Variants in CTSS observed in about 807,000 individuals in gnomAD.
CTSS encodes cathepsin S.
CTSS carries 15 observed loss-of-function variants against 39.9 expected under a neutral mutation model. The observed-to-expected ratio is 0.38, with a 90% CI of 0.25 to 0.58. The LOEUF (loss-of-function observed/expected upper bound fraction) is 0.58. Ranked by LOEUF, CTSS falls within the 20% of genes least tolerant of loss-of-function variation. CTSS has a pLI of 0.70. For synonymous variants in CTSS, 126 were observed against 138.2 expected, an observed-to-expected ratio of 0.91 and a Z score of 0.62; for missense variants, 250 against 398.2, an observed-to-expected ratio of 0.63 and a Z score of 3.17.
chr1:150,747,861 G>A lies in CTSS; in HGVS notation c.812C>T (p.Ser271Phe), dbSNP rs752949974. 4.3e-6 allele frequency: 7 copies of A among 1,612,604 alleles called. No homozygotes were observed. Among genetic ancestry groups the A allele is most frequent in the Non-Finnish European group, 5.9e-6 (7 of 1,178,664 alleles). ...LYRSGVYYEPSCTQNVNHGVL... is the reference protein window; with the variant it reads ...LYRSGVYYEPFCTQNVNHGVL... ...ACCATGATTCACATTCTGAGTACAG[G>A]ATGGTTCATAGTAGACACCTGAGAA... Residue 271 changes from serine (S) to phenylalanine (F), a missense_variant, in exon 7 of 8, where the codon TCC becomes TTC. Ser to Phe is a radical substitution (Grantham distance 155). Coordinates refer to ENST00000368985, the MANE Select transcript of CTSS (RefSeq NM_004079.5).
At chr1:150,760,250 G>A (rs193038163) in intron 2 of CTSS, among the ~76,000 whole-genome samples, 40 of 152,230 alleles carry the variant, frequency 2.6e-4, no homozygotes, top group African/African-American at 8.9e-4. Flanking sequence ...CACCACCAAC[G>A]AAACCGTATG....
rs587757968 is a variant in CTSS at position 150,740,594 on chromosome 1, G to A, written c.896+7183C>T. ...TTTTTAGTAGAGACAGGGTTTCACC[G>A]TGTTAGCCAGGATGGTCTTGATCTC... On this transcript the variant is annotated intron_variant, in intron 7 of 7. Transcript: ENST00000368985. 9.9e-5 allele frequency among the ~76,000 whole-genome samples: 15 copies of A among 152,072 alleles called. No homozygotes were observed. In the East Asian group the frequency reaches 2.7e-3, roughly 28 times the overall value.
At chr1:150,737,190 C>G (rs1045746525) in intron 7 of CTSS, among the ~76,000 whole-genome samples, 1 of 152,074 alleles carries the variant, frequency 6.6e-6, no homozygotes, top group Non-Finnish European at 1.5e-5. Context: ...GCAACCTCCA[C>G]CTCCCAGGTT....
chr1:150,745,174 T>A (rs587712764), intron 7 of CTSS, among the ~76,000 whole-genome samples: 2 of 152,238 alleles, frequency 1.3e-5, no homozygotes, highest in South Asian at 4.1e-4. Flanking sequence ...ATTTGTAGAC[T>A]ATGTACTTCA....
rs1652509705 is a variant in CTSS, at chr1:150,731,030, A to G, written c.*2016T>C. 6.6e-6 allele frequency: 1 copy of G among 152,224 alleles called. No individual in the cohort carries two copies. Among genetic ancestry groups the G allele is most frequent in the Non-Finnish European group, 1.5e-5 (1 of 68,034 alleles). 9.4% of individuals were successfully genotyped at this position (152,224 alleles called of 1,614,324 possible). ...TTTAACAGATAGCTAAAGACTAAGA[A>G]CCCATGTTTTTATTCTACTTTCAAT... is the stretch of plus-strand genomic sequence containing the variant. On this transcript the variant is annotated 3_prime_UTR_variant, in exon 8 of 8. Coordinates refer to ENST00000368985, the MANE Select transcript of CTSS (RefSeq NM_004079.5).
chr1:150,741,316 TA>T (rs1399102095), intron 7 of CTSS, among the ~76,000 whole-genome samples: 1 of 152,214 alleles, frequency 6.6e-6, no homozygotes, highest in East Asian at 1.9e-4. Context: ...ATACTACATA[TA>T]AATTTTGTAT....
chr1:150,758,241 G>A (rs915535259), intron 2 of CTSS, among the ~76,000 whole-genome samples: 1 of 151,890 alleles, frequency 6.6e-6, no homozygotes. Flanking sequence ...GTAGAGACGG[G>A]GTTTCGTCAT....
intron 5 of CTSS, among the ~76,000 whole-genome samples, chr1:150,750,551 T>C (rs1483331884): frequency 6.6e-6 from 1 of 152,188 alleles, no homozygotes; most frequent in African/African-American, 2.4e-5. Context: ...AAAGACCATA[T>C]AATATGGGAA....
At chr1:150,736,038 G>A (rs1327755699) in intron 7 of CTSS, among the ~76,000 whole-genome samples, 1 of 152,060 alleles carries the variant, frequency 6.6e-6, no homozygotes, top group African/African-American at 2.4e-5. Flanking sequence ...GATTACAGGC[G>A]TGAGCCACTG....
chr1:150,755,900 A>C (rs1653114340), intron 3 of CTSS, among the ~76,000 whole-genome samples: 1 of 152,210 alleles, frequency 6.6e-6, no homozygotes, highest in Non-Finnish European at 1.5e-5. Context: ...TGGCTACACT[A>C]AATTTGTTAA....
Position 150,747,758 on chromosome 1 carries a change from TAA to T in CTSS, c.896+17_896+18del. 1 of 1,510,438 alleles carries T rather than the reference TAA, an allele frequency of 6.6e-7. No individual in the cohort carries two copies. Among genetic ancestry groups the T allele is most frequent in the Non-Finnish European group, 9.2e-7 (1 of 1,090,320 alleles). 93.6% of individuals were successfully genotyped at this position (1,510,438 alleles called of 1,614,324 possible). ...TCAAATTCCTGATTCCAATTAAATA[TAA>T]AGTGTAAATATATTACCTGTTTTTC... On this transcript the variant is annotated intron_variant, in intron 7 of 7. Transcript: ENST00000368985.
intron 4 of CTSS, 59 bp from the exon 5 acceptor site, chr1:150,752,067 A>G (rs1054977180): frequency 7.0e-6 from 11 of 1,573,672 alleles, no homozygotes; most frequent in Non-Finnish European, 9.6e-6. Flanking sequence ...AATGACTTCC[A>G]TAACCCAAAC....
intron 7 of CTSS, 49 bp from the exon 8 acceptor site, chr1:150,733,194 A>G (rs748179288): frequency 7.1e-7 from 1 of 1,398,880 alleles, no homozygotes; most frequent in Non-Finnish European, 1.0e-6. Context: ...CAATCAAACC[A>G]TGTTATCAAC....
intron 7 of CTSS, among the ~76,000 whole-genome samples, chr1:150,740,331 A>G (rs1162753975): frequency 6.6e-6 from 1 of 152,220 alleles, no homozygotes; most frequent in Non-Finnish European, 1.5e-5. Context: ...GATTTAAAAA[A>G]TGAATAGGAT....
chr1:150,736,384 A>G (rs1652637436), intron 7 of CTSS, among the ~76,000 whole-genome samples: 1 of 152,220 alleles, frequency 6.6e-6, no homozygotes, highest in Admixed American at 6.5e-5. Flanking sequence ...TTTTATTCCA[A>G]AGCCCACTCT....
intron 3 of CTSS, among the ~76,000 whole-genome samples, chr1:150,756,768 G>A: frequency 6.9e-6 from 1 of 145,068 alleles, no homozygotes; most frequent in East Asian, 2.0e-4. Flanking sequence ...CCAGGCTGGA[G>A]TGCAATGGCA....
chr1:150,748,147 GGGCATGGT>G (rs1344409498), intron 6 of CTSS: 1 of 239,186 alleles, frequency 4.2e-6, no homozygotes, highest in African/African-American at 2.3e-5. Context: ...AAAATTAGCT[GGGCATGGT>G]GGCACGCACC....
chr1:150,758,206 C>T (rs1193796518), intron 2 of CTSS, among the ~76,000 whole-genome samples: 2 of 152,012 alleles, frequency 1.3e-5, no homozygotes, highest in East Asian at 1.9e-4. Flanking sequence ...TGTGCCACCA[C>T]GCCTAGCTAA....
Position 150,755,169 on chromosome 1 carries a change from G to A in CTSS, c.250-19C>T, listed in dbSNP as rs777452478. Reference sequence around the variant, plus strand: ...CACTGGTCTACAAAGCAAATATACAGTCAGGCATTGTTTAATGACTGGAAT... The same window carrying A: ...CACTGGTCTACAAAGCAAATATACAATCAGGCATTGTTTAATGACTGGAAT... On this transcript the variant is annotated intron_variant, in intron 3 of 7. Coordinates refer to ENST00000368985, the MANE Select transcript of CTSS (RefSeq NM_004079.5). 3.1e-6 allele frequency: 5 copies of A among 1,611,748 alleles called. No individual in the cohort carries two copies. The African/African-American group carries it at 6.7e-5, about 22-fold the overall frequency.
Sources: gnomAD v4.1 joint callset for allele counts (sites outside exome capture counted in the v4.1 genomes callset) on GRCh38, gnomAD v4.1.1 for gene constraint, MANE v1.5 for transcripts, NCBI Gene and HGNC (gene_info 2026-07-23, HGNC 2026-07-21) for gene names.